HSDL2: variants seen among roughly 807,000 people sequenced by gnomAD.
HSDL2 encodes the protein hydroxysteroid dehydrogenase-like protein 2.
HSDL2 carries 27 observed loss-of-function variants against 46.3 expected under a neutral mutation model. That is an observed-to-expected ratio of 0.58 (90% CI 0.43 to 0.80). The LOEUF (loss-of-function observed/expected upper bound fraction) is 0.80, where lower values mean the gene tolerates loss of function less well. Among genes scored for constraint, HSDL2 ranks in the 30% least tolerant of loss-of-function variants. The pLI is 0.00. For missense variants in HSDL2, 451 were observed against 502.7 expected, an observed-to-expected ratio of 0.90 and a Z score of 0.98; for synonymous variants, 153 against 163.6, an observed-to-expected ratio of 0.94 and a Z score of 0.50.
Position 112,418,558 on chromosome 9 carries a change from G to C in HSDL2, c.500-302G>C, listed in dbSNP as rs1832047391. ...TAATCACACCACTGCACTCCAGCCT[G>C]TCTCAAAAAAAAAAAAAAAGTATGT... On this transcript the variant is annotated intron_variant, in intron 5 of 10. Transcript: ENST00000398805. Among the ~76,000 whole-genome samples, 3 of 116,610 alleles carry C rather than the reference G, an allele frequency of 2.6e-5. No homozygotes were observed. In the South Asian group the frequency reaches 8.2e-4, roughly 32 times the overall value. The allele number at this position is 116,610 out of a possible 152,430, so 76.5% of individuals were successfully genotyped here. A position where few individuals can be genotyped will look rare whatever the true frequency, so the allele number is the denominator to read the frequency against.
intron 10 of HSDL2, among the ~76,000 whole-genome samples, chr9:112,468,424 C>A (rs904328250): frequency 2.6e-5 from 4 of 151,916 alleles, no homozygotes; most frequent in Admixed American, 2.6e-4. Flanking sequence ...GATCGACTCA[C>A]CTTCTTTTTC....
Position 112,470,763 on chromosome 9 carries a change from T to G in HSDL2, c.*219T>G, listed in dbSNP as rs990265106. ...AAGTGGGATTCTAAGACAGTCTGTG[T>G]TTTTATATTTCAAGGGTTTAACCCT... On this transcript the variant is annotated 3_prime_UTR_variant, in exon 11 of 11. Transcript: ENST00000398805. 11 of 351,612 alleles carry G rather than the reference T, an allele frequency of 3.1e-5. No individual in the cohort carries two copies. Among genetic ancestry groups the G allele is most frequent in the South Asian group, 5.1e-5 (1 of 19,762 alleles). The allele number at this position is 351,612 out of a possible 1,614,324, so 21.8% of individuals were successfully genotyped here.
intron 8 of HSDL2, among the ~76,000 whole-genome samples, chr9:112,449,641 A>G (rs1299422528): frequency 6.6e-6 from 1 of 152,026 alleles, no homozygotes; most frequent in East Asian, 1.9e-4. Context: ...AGGCAGGCGG[A>G]TTGTCTGAGC....
chr9:112,436,013 A>T (rs1313230707), intron 6 of HSDL2, among the ~76,000 whole-genome samples: 1 of 151,670 alleles, frequency 6.6e-6, no homozygotes, highest in Non-Finnish European at 1.5e-5. Context: ...GGTGGCTCAC[A>T]CCTGTAATCC....
intron 10 of HSDL2, among the ~76,000 whole-genome samples, chr9:112,467,149 CAA>C (rs1792272778): frequency 6.6e-6 from 1 of 152,048 alleles, no homozygotes; most frequent in African/African-American, 2.4e-5. Flanking sequence ...TCACAATAGG[CAA>C]AAGACAGAAA....
At chr9:112,421,551 A>AT (rs201017919) in intron 6 of HSDL2, among the ~76,000 whole-genome samples, 7 of 152,184 alleles carry the variant, frequency 4.6e-5, no homozygotes, top group East Asian at 1.9e-4. Context: ...TCTTCATTAC[A>AT]TTTAAAAAAA....
At chr9:112,399,675 C>G (rs927493875) in intron 1 of HSDL2, among the ~76,000 whole-genome samples, 3 of 152,102 alleles carry the variant, frequency 2.0e-5, no homozygotes, top group Non-Finnish European at 2.9e-5. Context: ...ATTAATATTC[C>G]TCGCTAGGAA....
Position 112,444,834 on chromosome 9 carries a change from G to GTTT in HSDL2, c.865+3082_865+3084dup. On this transcript the variant is annotated intron_variant, in intron 8 of 10. Coordinates refer to ENST00000398805, the MANE Select transcript of HSDL2 (RefSeq NM_032303.5). The stretch of plus-strand genomic sequence containing the variant: ...GAACACAGGGAGCCCACTCAGTCTT[G>GTTT]TTTTTTTTTTTTTTTTTTTTGACTT... Among the ~76,000 whole-genome samples, 296 of 79,614 alleles carry GTTT rather than the reference G, an allele frequency of 3.7e-3. 8 individuals carry two copies. Among genetic ancestry groups the GTTT allele is most frequent in the African/African-American group, 0.015 (280 of 18,286 alleles). The allele number at this position is 79,614 out of a possible 152,430, so 52.2% of individuals were successfully genotyped here. A position where few individuals can be genotyped will look rare whatever the true frequency, so the allele number is the denominator to read the frequency against.
chr9:112,389,781 T>C (rs1192412865), intron 1 of HSDL2, among the ~76,000 whole-genome samples: 5 of 152,164 alleles, frequency 3.3e-5, no homozygotes, highest in Non-Finnish European at 7.3e-5. Context: ...AAAATATATG[T>C]GGGCCGGGCG....
chr9:112,403,692 G>A (rs1473410477), intron 1 of HSDL2, among the ~76,000 whole-genome samples: 1 of 151,118 alleles, frequency 6.6e-6, no homozygotes, highest in Non-Finnish European at 1.5e-5. Flanking sequence ...GGAAAAAAAT[G>A]CATGTTTATA....
chr9:112,383,233 C>T (rs1156248483), intron 1 of HSDL2, among the ~76,000 whole-genome samples: 2 of 151,844 alleles, frequency 1.3e-5, no homozygotes, highest in African/African-American at 4.8e-5. Flanking sequence ...ACCACCATGC[C>T]GGCTAATTTT....
At chr9:112,406,402 ATCT>A (rs1285828665) in intron 3 of HSDL2, among the ~76,000 whole-genome samples, 1 of 151,702 alleles carries the variant, frequency 6.6e-6, no homozygotes, top group Non-Finnish European at 1.5e-5. Context: ...GTTAAATTTC[ATCT>A]TCTTCACAAA....
intron 1 of HSDL2, among the ~76,000 whole-genome samples, chr9:112,397,044 A>T (rs539625545): frequency 6.6e-6 from 1 of 152,208 alleles, no homozygotes; most frequent in African/African-American, 2.4e-5. Context: ...TACTTGCCCA[A>T]TGTTTGCCTT....
intron 9 of HSDL2, among the ~76,000 whole-genome samples, chr9:112,454,485 G>C (rs542297511): frequency 6.6e-6 from 1 of 151,806 alleles, no homozygotes; most frequent in South Asian, 2.1e-4. Context: ...AGATCAGTGC[G>C]TACGGACACA....
At chr9:112,464,734 T>TA (rs1208376962) in intron 10 of HSDL2, among the ~76,000 whole-genome samples, 2 of 152,226 alleles carry the variant, frequency 1.3e-5, no homozygotes, top group Non-Finnish European at 2.9e-5. Context: ...TTCACCCACT[T>TA]AAAGTGTAAA....
chr9:112,465,640 T>A (rs1833353521), intron 10 of HSDL2, among the ~76,000 whole-genome samples: 1 of 152,224 alleles, frequency 6.6e-6, no homozygotes, highest in Non-Finnish European at 1.5e-5. Flanking sequence ...TTTAAACAAA[T>A]GGAATCATGC....
In HSDL2 at chr9:112,433,250, G is replaced by A. The variant is rs145587076; in HGVS notation, c.599-5181G>A. 1.8e-3 allele frequency among the ~76,000 whole-genome samples: 276 copies of A among 152,254 alleles called. 2 individuals carry two copies. Among genetic ancestry groups the A allele is most frequent in the African/African-American group, 6.4e-3 (266 of 41,536 alleles). ...CGACGCATGCAAAGATTGCAGTTTG[G>A]GAAAATACTTTCTGTGCGGTGGAAC... is the stretch of plus-strand genomic sequence containing the variant. On this transcript the variant is annotated intron_variant, in intron 6 of 10. Coordinates refer to ENST00000398805, the MANE Select transcript of HSDL2 (RefSeq NM_032303.5).
chr9:112,399,544 G>A (rs1831540203), intron 1 of HSDL2, among the ~76,000 whole-genome samples: 1 of 152,108 alleles, frequency 6.6e-6, no homozygotes, highest in Non-Finnish European at 1.5e-5. Flanking sequence ...GTAAGCCTGA[G>A]GGCACTGCAG....
intron 6 of HSDL2, among the ~76,000 whole-genome samples, chr9:112,437,889 G>A (rs1203063333): frequency 6.6e-6 from 1 of 152,198 alleles, no homozygotes; most frequent in Non-Finnish European, 1.5e-5. Flanking sequence ...TTGGTCTGTA[G>A]TATAAGGCAG....
Sources: allele counts gnomAD v4.1 joint callset (sites outside exome capture counted in the v4.1 genomes callset), GRCh38; gene constraint gnomAD v4.1.1; transcripts MANE v1.5; gene names NCBI Gene and HGNC (gene_info 2026-07-23, HGNC 2026-07-21).